BIRC6: variants seen among roughly 807,000 people sequenced by gnomAD.
The protein encoded by BIRC6 is dual E2 ubiquitin-conjugating enzyme/E3 ubiquitin-protein ligase BIRC6.
A neutral mutation model predicts 503.3 loss-of-function variants in BIRC6; 98 were observed. The ratio of observed to expected loss-of-function variants is 0.19; its 90% CI spans 0.17 to 0.23. The LOEUF (loss-of-function observed/expected upper bound fraction) is 0.23, where lower values mean the gene tolerates loss of function less well. Ranked by LOEUF, BIRC6 falls within the 10% of genes least tolerant of loss-of-function variation. The pLI is 1.00. For synonymous variants in BIRC6, 2,240 were observed against 2,078.7 expected (o/e 1.08, Z -2.11); for missense variants, 5,360 against 5,806.0 (o/e 0.92, Z 2.50).
chr2:32,446,447 T>G (rs533234961), intron 21 of BIRC6, among the ~76,000 whole-genome samples: 1 of 152,336 alleles, frequency 6.6e-6, no homozygotes, highest in South Asian at 2.1e-4. Flanking sequence ...CGTTCCTTTA[T>G]TTAGAGCAGT....
chr2:32,538,587 C>T (rs756409648), intron 61 of BIRC6, among the ~76,000 whole-genome samples: 1 of 152,224 alleles, frequency 6.6e-6, no homozygotes, highest in Non-Finnish European at 1.5e-5. Context: ...ACTAAACACA[C>T]TGCAAGGAAG....
rs927760791 is a variant in BIRC6 at position 32,503,098 on chromosome 2, A to T, written c.9361A>T (p.Thr3121Ser). ...TACTAGTACAAGGGCTATTGTGAAC[A>T]CTGCAAGAAGTATGGTATCAACTAT... ...MVTSTRAIVN[T>S]ARSMVSTIMK... The change falls in exon 49 of 74, where the codon ACT becomes TCT. Residue 3121 changes from threonine to serine, a missense_variant. Thr to Ser is a moderately conservative substitution (Grantham distance 58, BLOSUM62 1). Around this residue, in one of 16 missense-constraint regions of BIRC6, gnomAD observed 267 missense variants for 287.6 expected, o/e 0.93. Transcript: ENST00000421745. The T allele has an allele frequency of 6.2e-7, 1 of 1,611,012 alleles. No homozygotes were observed.
At chr2:32,455,354 T>C (rs1365001491) in intron 23 of BIRC6, among the ~76,000 whole-genome samples, 1 of 128,360 alleles carries the variant, frequency 7.8e-6, no homozygotes, top group Non-Finnish European at 1.6e-5. Flanking sequence ...CATTCCAGCC[T>C]GGGCAAACAG....
intron 65 of BIRC6, among the ~76,000 whole-genome samples, chr2:32,572,398 T>C (rs1406863182): frequency 6.6e-6 from 1 of 152,222 alleles, no homozygotes; most frequent in Non-Finnish European, 1.5e-5. Flanking sequence ...ATTTCCAGCT[T>C]TCCCTATTGA....
intron 57 of BIRC6, among the ~76,000 whole-genome samples, chr2:32,521,181 C>T (rs561789641): frequency 2.6e-5 from 4 of 151,462 alleles, no homozygotes; most frequent in East Asian, 1.9e-4. Context: ...TTTACTTGTA[C>T]GTTTATATTA....
chr2:32,387,898 G>A (rs1309513835), intron 3 of BIRC6, among the ~76,000 whole-genome samples: 1 of 151,804 alleles, frequency 6.6e-6, no homozygotes, highest in Non-Finnish European at 1.5e-5. Context: ...GTTAGTTGAG[G>A]TTTCATTTAA....
intron 3 of BIRC6, among the ~76,000 whole-genome samples, chr2:32,385,505 G>C (rs2038304845): frequency 6.6e-6 from 1 of 152,348 alleles, no homozygotes; most frequent in East Asian, 1.9e-4. Context: ...TCTGGGACTA[G>C]TAAGGAACTA....
chr2:32,441,677 G>GGATGAT (rs1558734380), intron 17 of BIRC6, among the ~76,000 whole-genome samples: 1 of 152,076 alleles, frequency 6.6e-6, no homozygotes, highest in Non-Finnish European at 1.5e-5. Context: ...TAGCAGGAAT[G>GGATGAT]GATGATAGTT....
intron 1 of BIRC6, among the ~76,000 whole-genome samples, chr2:32,375,506 A>C (rs536211072): frequency 2.0e-5 from 3 of 151,848 alleles, no homozygotes; most frequent in East Asian, 3.9e-4. Context: ...AAAAACCCCC[A>C]AAAAACTCCA....
intron 1 of BIRC6, among the ~76,000 whole-genome samples, chr2:32,375,936 G>A (rs1329825866): frequency 2.0e-5 from 3 of 151,854 alleles, no homozygotes; most frequent in East Asian, 1.9e-4. Flanking sequence ...CTATAATCCC[G>A]GCTCTTTGGG....
At chr2:32,482,923 T>G (rs1010294163) in intron 39 of BIRC6, among the ~76,000 whole-genome samples, 2 of 151,568 alleles carry the variant, frequency 1.3e-5, no homozygotes, top group African/African-American at 4.8e-5. Context: ...TTTTGCAGTT[T>G]TTTTTTTTTT....
At chr2:32,442,598 T>TCAAC in intron 19 of BIRC6, 143 bp downstream of exon 19, 1 of 1,070,688 alleles carries the variant, frequency 9.3e-7, no homozygotes, top group Non-Finnish European at 1.3e-6. Context: ...AGATTGTTGA[T>TCAAC]AATCTTAGCA....
At chr2:32,455,335 G>A (rs1424643840) in intron 23 of BIRC6, among the ~76,000 whole-genome samples, 4 of 146,506 alleles carry the variant, frequency 2.7e-5, no homozygotes, top group East Asian at 2.0e-4. Context: ...AGCTGAGATC[G>A]CGCTACTGCA....
intron 33 of BIRC6, among the ~76,000 whole-genome samples, chr2:32,475,995 T>C (rs1303904261): frequency 6.6e-6 from 1 of 152,108 alleles, no homozygotes; most frequent in Non-Finnish European, 1.5e-5. Flanking sequence ...TATTTCTTAC[T>C]CCCATGGGTA....
intron 57 of BIRC6, chr2:32,523,650 C>T (rs2055970535): frequency 6.6e-6 from 1 of 152,158 alleles, no homozygotes. Flanking sequence ...CTTTCATATA[C>T]TAAAAACTGT....
In BIRC6 at chr2:32,453,875, A is replaced by G; in HGVS notation, c.4686A>G (p.Glu1562=). ...TCACATCTCTCACTGGACTTTTGGA[A>G]GTTGAACCTCTGCACTTTACTTGTG... ...GSFTSLTGLL[E]VEPLHFTCVS... Residue 1562 remains glutamate (E), a synonymous_variant, in exon 23 of 74, where the codon GAA becomes GAG. Coordinates refer to ENST00000421745, the MANE Select transcript of BIRC6 (RefSeq NM_016252.4). 1 of 1,613,720 alleles carries G rather than the reference A, an allele frequency of 6.2e-7. No individual in the cohort carries two copies. Among genetic ancestry groups the G allele is most frequent in the South Asian group, 1.1e-5 (1 of 91,074 alleles).
At chr2:32,464,949 T>C in intron 25 of BIRC6, 116 bp from the exon 26 acceptor site, 5 of 1,349,718 alleles carry the variant, frequency 3.7e-6, no homozygotes, top group Non-Finnish European at 4.0e-6. Context: ...TTATAAAATA[T>C]TACAGTACAT....
At chr2:32,575,038 G>T (rs753384177) in intron 65 of BIRC6, 118 bp from the exon 66 acceptor site, 4 of 1,054,730 alleles carry the variant, frequency 3.8e-6, no homozygotes, top group African/African-American at 3.1e-5. Flanking sequence ...CTGAACCAGC[G>T]TGCCCAGCCG....
chr2:32,592,762 A>T lies in BIRC6; in HGVS notation c.13356-1153A>T, dbSNP rs988619646. On this transcript the variant is annotated intron_variant, in intron 66 of 73. Coordinates refer to ENST00000421745, the MANE Select transcript of BIRC6 (RefSeq NM_016252.4). ...AGGCATGCGCCACCATGTCCAGCTA[A>T]TTTTGCATTTTTAGTAGAGATGGGG... Among the ~76,000 whole-genome samples, 16 of 151,728 alleles carry T rather than the reference A, an allele frequency of 1.1e-4. No homozygotes were observed. In the East Asian group the frequency reaches 1.7e-3, roughly 17 times the overall value.
Sources: allele counts gnomAD v4.1 joint callset (sites outside exome capture counted in the v4.1 genomes callset), GRCh38; gene constraint gnomAD v4.1.1; regional missense constraint gnomAD v4.1.1; transcripts MANE v1.5; gene names NCBI Gene and HGNC (gene_info 2026-07-23, HGNC 2026-07-21).